The following COL15A1 variants were observed in gnomAD, a reference collection of about 807,000 sequenced individuals.
The protein encoded by COL15A1 is collagen type XV alpha 1 chain, also known as collagen alpha-1(XV) chain.
COL15A1 carries 111 observed loss-of-function variants against 165.9 expected under a neutral mutation model. The ratio of observed to expected loss-of-function variants is 0.67; its 90% CI spans 0.57 to 0.78. The LOEUF (loss-of-function observed/expected upper bound fraction) is 0.78. Among genes scored for constraint, COL15A1 ranks in the 30% least tolerant of loss-of-function variants. COL15A1 has a pLI of 0.00. For synonymous variants in COL15A1, 659 were observed against 674.8 expected (o/e 0.98, Z 0.36); for missense variants, 1,745 against 1,789.7 (o/e 0.98, Z 0.45).
chr9:99,006,505 T>C (rs1408804177), intron 9 of COL15A1, among the ~76,000 whole-genome samples: 1 of 152,198 alleles, frequency 6.6e-6, no homozygotes, highest in Admixed American at 6.5e-5. Flanking sequence ...TTAGCATCCA[T>C]GCTGGGAGAC....
chr9:99,014,572 G>T (rs544424805), intron 9 of COL15A1, among the ~76,000 whole-genome samples: 1 of 152,160 alleles, frequency 6.6e-6, no homozygotes, highest in Non-Finnish European at 1.5e-5. Flanking sequence ...TTTGTCAAAG[G>T]TCAGTGGCAC....
At chr9:98,996,636 C>G (rs905210493) in intron 5 of COL15A1, among the ~76,000 whole-genome samples, 9 of 152,202 alleles carry the variant, frequency 5.9e-5, no homozygotes, top group African/African-American at 1.9e-4. Context: ...TGGGCACCTC[C>G]TCTGGCTGAC....
At chr9:98,959,444 G>A (rs1837832684) in intron 2 of COL15A1, among the ~76,000 whole-genome samples, 1 of 151,976 alleles carries the variant, frequency 6.6e-6, no homozygotes, top group Admixed American at 6.5e-5. Flanking sequence ...TAAAGCAACA[G>A]TGCAGAGATG....
rs143770925 is a variant in COL15A1 at position 99,010,848 on chromosome 9, T to C, written c.1354-4569T>C. 1.6e-3 allele frequency among the ~76,000 whole-genome samples: 238 copies of C among 152,344 alleles called. 1 individual carries two copies. The highest frequency in any genetic ancestry group is 5.4e-3 in the African/African-American group (224 of 41,584). ...TAGTAATAATGACATAGGAATTATTTAGATAAAGTGTAAGATCTGTTTATT... is the reference window on the plus strand; with the variant it reads ...TAGTAATAATGACATAGGAATTATTCAGATAAAGTGTAAGATCTGTTTATT... On this transcript the variant is annotated intron_variant, in intron 9 of 41. Coordinates refer to ENST00000375001, the MANE Select transcript of COL15A1 (RefSeq NM_001855.5).
rs763201765 is a variant in COL15A1, at chr9:98,996,970, C to T, written c.841C>T (p.Pro281Ser). Reference protein sequence around the residue: ...EAKVEPINTPPTPSSPFEDME... With the variant: ...EAKVEPINTPSTPSSPFEDME... ...AAAAGTTGAACCCATAAACACACCT[C>T]CAACTCCATCCTCCCCCTTTGAAGA... is the stretch of plus-strand genomic sequence containing the variant. Residue 281 changes from proline to serine, a missense_variant, in exon 6 of 42, where the codon CCA becomes TCA. Pro to Ser is a moderately conservative substitution (Grantham distance 74). Coordinates refer to ENST00000375001, the MANE Select transcript of COL15A1 (RefSeq NM_001855.5). The T allele has an allele frequency of 6.2e-7, 1 of 1,614,226 alleles. No homozygotes were observed. Among genetic ancestry groups the T allele is most frequent in the Non-Finnish European group, 8.5e-7 (1 of 1,180,050 alleles).
intron 16 of COL15A1, 54 bp from the exon 17 acceptor site, chr9:99,034,495 C>T (rs1839260716): frequency 4.0e-6 from 6 of 1,508,492 alleles, no homozygotes; most frequent in Non-Finnish European, 5.3e-6. Context: ...CTTCAGAACA[C>T]ACCTCATGAC....
At chr9:98,968,358 G>A (rs1021809278) in intron 2 of COL15A1, among the ~76,000 whole-genome samples, 6 of 152,222 alleles carry the variant, frequency 3.9e-5, no homozygotes, top group African/African-American at 7.2e-5. Context: ...TTCTGGAGGC[G>A]AGAAGTGTGA....
chr9:98,991,224 C>T (rs1337345943), intron 5 of COL15A1, among the ~76,000 whole-genome samples: 1 of 149,896 alleles, frequency 6.7e-6, no homozygotes, highest in Non-Finnish European at 1.5e-5. Context: ...GTTGCCGCTG[C>T]TCACTCAGGC....
chr9:99,026,295 G>C (rs1453096974), intron 16 of COL15A1, among the ~76,000 whole-genome samples: 1 of 152,142 alleles, frequency 6.6e-6, no homozygotes, highest in Non-Finnish European at 1.5e-5. Flanking sequence ...AGATGGCCCA[G>C]TCTGACCTCC....
intron 41 of COL15A1, 102 bp downstream of exon 41, chr9:99,068,772 A>G (rs1331508301): frequency 2.8e-6 from 2 of 722,692 alleles, no homozygotes; most frequent in Non-Finnish European, 4.5e-6. Context: ...GGATATTGCC[A>G]ACATAAAGCC....
chr9:98,947,077 C>T (rs1403001899), intron 2 of COL15A1, among the ~76,000 whole-genome samples: 1 of 152,120 alleles, frequency 6.6e-6, no homozygotes, highest in African/African-American at 2.4e-5. Context: ...AGCATATGGC[C>T]ACCCAAAAAC....
At position 99,056,330 on chromosome 9, in the gene COL15A1, G is replaced by A. The variant is rs1301997040; in HGVS notation, c.3263G>A (p.Gly1088Asp). 4 of 1,613,934 alleles carry A rather than the reference G, an allele frequency of 2.5e-6. No homozygotes were observed. The East Asian group carries it at 6.7e-5, about 27-fold the overall frequency. The change falls in exon 35 of 42, where the codon GGC becomes GAC. Residue 1088 changes from glycine (G) to aspartate (D), a missense_variant. Gly to Asp is a moderately conservative substitution (Grantham distance 94). Transcript: ENST00000375001. ...GCTCCTGGTCTGCCTGGGCCACCTGGCTTTGGAAGACCTGGTGATCCTGGG... is the reference window on the plus strand; with the variant it reads ...GCTCCTGGTCTGCCTGGGCCACCTGACTTTGGAAGACCTGGTGATCCTGGG... ...PGAPGLPGPP[G>D]FGRPGDPGPP...
At chr9:99,064,585 G>A (rs1825866200) in intron 39 of COL15A1, among the ~76,000 whole-genome samples, 1 of 152,138 alleles carries the variant, frequency 6.6e-6, no homozygotes, top group South Asian at 2.1e-4. Flanking sequence ...TAGACTATGA[G>A]GAGCAAAACT....
At chr9:98,953,058 G>A (rs536520490) in intron 2 of COL15A1, among the ~76,000 whole-genome samples, 2 of 152,202 alleles carry the variant, frequency 1.3e-5, no homozygotes, top group African/African-American at 2.4e-5. Context: ...TAGATAATGG[G>A]AGTGTACCAG....
At chr9:99,048,355 C>G (rs1839528417) in intron 28 of COL15A1, among the ~76,000 whole-genome samples, 1 of 152,074 alleles carries the variant, frequency 6.6e-6, no homozygotes, top group Non-Finnish European at 1.5e-5. Flanking sequence ...ACTCACATCA[C>G]TAGGGGCTCA....
Position 98,985,733 on chromosome 9 carries a change from A to T in COL15A1, c.269A>T (p.Asp90Val). The T allele has an allele frequency of 6.2e-7, 1 of 1,614,204 alleles. No homozygotes were observed. Among genetic ancestry groups the T allele is most frequent in the Non-Finnish European group, 8.5e-7 (1 of 1,180,040 alleles). The change falls in exon 3 of 42, where the codon GAC becomes GTC. Residue 90 changes from aspartate to valine, a missense_variant. Transcript: ENST00000375001. ...RTLIPSTFFRDFAISVVVKPS... is the reference protein window; with the variant it reads ...RTLIPSTFFRVFAISVVVKPS... ...CTCATCCCATCCACCTTCTTCAGGG[A>T]CTTCGCCATCAGCGTCGTGGTGAAG...
intron 2 of COL15A1, among the ~76,000 whole-genome samples, chr9:98,957,648 C>A (rs1487090314): frequency 1.3e-5 from 2 of 152,034 alleles, no homozygotes; most frequent in East Asian, 1.9e-4. Flanking sequence ...TCTGAAAAAA[C>A]CAGACTAGGG....
rs2118725299 is a variant in COL15A1, at chr9:98,944,156, T to G, written c.12-6T>G. On this transcript the variant is annotated splice_polypyrimidine_tract_variant and splice_region_variant and intron_variant, in intron 1 of 41. Coordinates refer to ENST00000375001, the MANE Select transcript of COL15A1 (RefSeq NM_001855.5). ...TCACCTTTTCTCCCTCGGGCACATC[T>G]TGCAGGAGGAACAACGGGCAGTGCT... is the stretch of plus-strand genomic sequence containing the variant. 3.7e-6 allele frequency: 6 copies of G among 1,614,094 alleles called. No individual in the cohort carries two copies. Among genetic ancestry groups the G allele is most frequent in the Non-Finnish European group, 5.1e-6 (6 of 1,179,984 alleles).
chr9:99,025,087 T>C (rs1839100817), intron 15 of COL15A1, 88 bp downstream of exon 15: 4 of 1,174,380 alleles, frequency 3.4e-6, no homozygotes, highest in Admixed American at 4.7e-5. Flanking sequence ...AACCCAGCAC[T>C]GTCCAAGGTT....
Sources: gnomAD v4.1 joint callset for allele counts (sites outside exome capture counted in the v4.1 genomes callset) on GRCh38, gnomAD v4.1.1 for gene constraint, MANE v1.5 for transcripts, NCBI Gene and HGNC (gene_info 2026-07-23, HGNC 2026-07-21) for gene names.